BEND6: variants seen among roughly 807,000 people sequenced by gnomAD.
BEND6 encodes the protein BEN domain containing 6.
BEND6 carries 24 observed loss-of-function variants against 31.8 expected under a neutral mutation model. That is an observed-to-expected ratio of 0.75 (90% CI 0.55 to 1.06). BEND6 has a LOEUF of 1.06. Ranked by LOEUF, BEND6 falls within the 50% of genes least tolerant of loss-of-function variation. The pLI is 0.00. For synonymous variants in BEND6, 109 were observed against 114.6 expected, an observed-to-expected ratio of 0.95 and a Z score of 0.31; for missense variants, 294 against 327.4, an observed-to-expected ratio of 0.90 and a Z score of 0.79.
intron 3 of BEND6, chr6:57,004,815 T>C (rs1671910192): frequency 5.0e-6 from 4 of 793,370 alleles, no homozygotes; most frequent in Admixed American, 3.5e-5. Flanking sequence ...TAGGATTGCC[T>C]GAGCTCAGGA....
intron 5 of BEND6, 112 bp from the exon 6 acceptor site, chr6:57,018,309 T>C (rs1827631548): frequency 8.1e-7 from 1 of 1,236,894 alleles, no homozygotes; most frequent in African/African-American, 1.6e-5. Context: ...GCTACTTTTG[T>C]AAAATGGAAA....
chr6:57,018,581 C>CT (rs766260066), intron 6 of BEND6, 24 bp downstream of exon 6: 1 of 1,462,082 alleles, frequency 6.8e-7, no homozygotes, highest in East Asian at 2.6e-5. Flanking sequence ...ATCTTCAGTC[C>CT]TTTCAATGTG....
chr6:57,003,334 T>C (rs1416300548), intron 3 of BEND6, among the ~76,000 whole-genome samples: 1 of 152,104 alleles, frequency 6.6e-6, no homozygotes, highest in East Asian at 1.9e-4. Context: ...ACCTTATCTC[T>C]ATTAAAAATA....
chr6:56,960,283 TGG>T (rs1825243942), intron 1 of BEND6, among the ~76,000 whole-genome samples: 1 of 127,518 alleles, frequency 7.8e-6, no homozygotes, highest in Non-Finnish European at 1.6e-5. Flanking sequence ...ATTATTCCGA[TGG>T]TATAAAATAT....
intron 5 of BEND6, 105 bp from the exon 6 acceptor site, chr6:57,018,316 G>GA (rs368317776): frequency 2.3e-5 from 29 of 1,283,322 alleles, no homozygotes; most frequent in Middle Eastern, 2.3e-4. Context: ...TTGTAAAATG[G>GA]AAAAAAAATT....
At chr6:56,996,151 A>C (rs1035810089) in intron 3 of BEND6, among the ~76,000 whole-genome samples, 2 of 152,054 alleles carry the variant, frequency 1.3e-5, no homozygotes, top group Non-Finnish European at 2.9e-5. Flanking sequence ...ATATGGTGTA[A>C]ATATCCATCA....
intron 4 of BEND6, among the ~76,000 whole-genome samples, chr6:57,015,574 G>T (rs2127890817): frequency 6.6e-6 from 1 of 151,662 alleles, no homozygotes; most frequent in Middle Eastern, 3.4e-3. Flanking sequence ...GCTGAGGCGG[G>T]CAGATCATGA....
intron 1 of BEND6, among the ~76,000 whole-genome samples, chr6:56,971,968 A>G (rs1367327135): frequency 1.3e-5 from 2 of 152,042 alleles, no homozygotes; most frequent in Non-Finnish European, 2.9e-5. Context: ...ATGAAGTCCA[A>G]TATTCCTGTT....
At chr6:56,981,682 T>C (rs1020040112) in intron 1 of BEND6, 29 bp from the exon 2 acceptor site, 39 of 974,888 alleles carry the variant, frequency 4.0e-5, no homozygotes, top group Non-Finnish European at 6.0e-5. Flanking sequence ...GAATATGTTA[T>C]GTGTCATGTT....
intron 3 of BEND6, among the ~76,000 whole-genome samples, chr6:57,006,831 T>C (rs1270526119): frequency 6.6e-6 from 1 of 152,214 alleles, no homozygotes; most frequent in African/African-American, 2.4e-5. Flanking sequence ...TCAAATATAC[T>C]ACCAAGCTGT....
At chr6:56,998,982 A>G (rs1826828560) in intron 3 of BEND6, among the ~76,000 whole-genome samples, 1 of 152,216 alleles carries the variant, frequency 6.6e-6, no homozygotes, top group African/African-American at 2.4e-5. Context: ...GGGCGAGAAA[A>G]TTGCTGGGTT....
At chr6:57,026,033 C>T (rs560322584) in intron 6 of BEND6, 49 bp from the exon 7 acceptor site, 5 of 152,184 alleles carry the variant, frequency 3.3e-5, no homozygotes, top group East Asian at 3.9e-4. Context: ...TAAAATACTA[C>T]GAGAATGTTA....
intron 1 of BEND6, among the ~76,000 whole-genome samples, chr6:56,956,585 C>G (rs1258522256): frequency 6.6e-6 from 1 of 152,226 alleles, no homozygotes; most frequent in African/African-American, 2.4e-5. Flanking sequence ...CATGTTGCAT[C>G]TCATTCATTC....
At chr6:57,018,642 C>A in intron 6 of BEND6, 85 bp downstream of exon 6, 1 of 1,257,602 alleles carries the variant, frequency 8.0e-7, no homozygotes, top group Non-Finnish European at 1.0e-6. Context: ...ATTTTCCAAT[C>A]ACTCTACTAG....
intron 2 of BEND6, among the ~76,000 whole-genome samples, chr6:56,985,855 T>C (rs745487245): frequency 6.6e-6 from 1 of 152,244 alleles, no homozygotes; most frequent in Non-Finnish European, 1.5e-5. Context: ...CCTTATCTAT[T>C]GTAGAAATTA....
intron 1 of BEND6, among the ~76,000 whole-genome samples, chr6:56,964,122 T>C (rs1047367797): frequency 2.0e-5 from 3 of 151,316 alleles, no homozygotes; most frequent in African/African-American, 7.3e-5. Context: ...ATTTCACAGA[T>C]GGAGAGACAG....
intron 3 of BEND6, chr6:57,008,167 T>C: frequency 1.4e-6 from 1 of 702,926 alleles, no homozygotes; most frequent in South Asian, 1.5e-5. Context: ...ATTTCTATCT[T>C]ATCTCCTTTA....
intron 3 of BEND6, chr6:57,004,680 G>C: frequency 1.3e-6 from 2 of 1,515,712 alleles, no homozygotes; most frequent in Non-Finnish European, 9.0e-7. Flanking sequence ...AAAAAAATGT[G>C]AATCAGTCAC....
chr6:56,967,857 G>A (rs1030992276), intron 1 of BEND6, among the ~76,000 whole-genome samples: 2 of 152,346 alleles, frequency 1.3e-5, no homozygotes, highest in South Asian at 4.1e-4. Flanking sequence ...CCAACTAGGA[G>A]TGGTTGCCAG....
Sources: allele counts gnomAD v4.1 joint callset (sites outside exome capture counted in the v4.1 genomes callset), GRCh38; gene constraint gnomAD v4.1.1; transcripts MANE v1.5; gene names NCBI Gene and HGNC (gene_info 2026-07-23, HGNC 2026-07-21).